The following ZNF385D variants were observed in gnomAD, a reference collection of about 807,000 sequenced individuals.
The protein encoded by ZNF385D is zinc finger protein 385D.
In ZNF385D, 15 loss-of-function variants were observed where a neutral mutation model predicts 35.8. That is an observed-to-expected ratio of 0.42 (90% CI 0.28 to 0.64). The LOEUF is 0.64. ZNF385D is among the 30% of genes least tolerant of loss of function. ZNF385D has a pLI of 0.23. For synonymous variants in ZNF385D, 212 were observed against 186.8 expected (o/e 1.13, Z -1.10); for missense variants, 474 against 494.6 (o/e 0.96, Z 0.39).
chr3:21,734,670 C>T (rs2069163756), intron 1 of ZNF385D, among the ~76,000 whole-genome samples: 1 of 152,048 alleles, frequency 6.6e-6, no homozygotes, highest in Non-Finnish European at 1.5e-5. Context: ...AATAAAACTT[C>T]AAGGTAAATT....
At chr3:22,245,023 A>G (rs1450650255) in intron 2 of ZNF385D, among the ~76,000 whole-genome samples, 1 of 152,064 alleles carries the variant, frequency 6.6e-6, no homozygotes, top group African/African-American at 2.4e-5. Flanking sequence ...ATTGCCAGAG[A>G]AAGTAGAAAA....
At chr3:22,257,163 A>C (rs929610216) in intron 2 of ZNF385D, among the ~76,000 whole-genome samples, 6 of 151,852 alleles carry the variant, frequency 4.0e-5, no homozygotes, top group Non-Finnish European at 8.8e-5. Flanking sequence ...CAGGCTTCTC[A>C]GTCTCACCAG....
chr3:22,271,217 G>A (rs1246053627), intron 2 of ZNF385D, among the ~76,000 whole-genome samples: 2 of 107,358 alleles, frequency 1.9e-5, no homozygotes, highest in African/African-American at 7.0e-5. Flanking sequence ...TTATAGTCAG[G>A]AGACAGCAAT....
At chr3:21,763,151 T>A (rs1210218013) in intron 3 of ZNF385D, among the ~76,000 whole-genome samples, 1 of 152,012 alleles carries the variant, frequency 6.6e-6, no homozygotes, top group Non-Finnish European at 1.5e-5. Context: ...GAGAAAAAAA[T>A]TCACCTTCTC....
intron 3 of ZNF385D, among the ~76,000 whole-genome samples, chr3:21,772,410 A>T (rs2071115481): frequency 6.6e-6 from 1 of 151,958 alleles, no homozygotes. Context: ...TGATTAGAAA[A>T]TGGACAAAGA....
At chr3:21,650,247 C>T (rs141161919) in intron 2 of ZNF385D, among the ~76,000 whole-genome samples, 48 of 152,186 alleles carry the variant, frequency 3.2e-4, no homozygotes, top group African/African-American at 1.1e-3. Context: ...AAACAAAGTT[C>T]ATCTATTTGT....
intron 3 of ZNF385D, among the ~76,000 whole-genome samples, chr3:22,003,104 G>T (rs932454870): frequency 6.6e-6 from 1 of 152,200 alleles, no homozygotes; most frequent in East Asian, 1.9e-4. Context: ...GAAATAAAAG[G>T]CATTCAGATT....
intron 2 of ZNF385D, among the ~76,000 whole-genome samples, chr3:21,565,375 GA>G (rs1217157296): frequency 6.6e-6 from 1 of 152,070 alleles, no homozygotes; most frequent in African/African-American, 2.4e-5. Context: ...ATCCAGCTCT[GA>G]TAAAGTTTAG....
intron 3 of ZNF385D, among the ~76,000 whole-genome samples, chr3:22,087,345 C>T (rs1701099413): frequency 1.3e-5 from 2 of 151,968 alleles, no homozygotes; most frequent in South Asian, 4.1e-4. Flanking sequence ...CACATGAACA[C>T]TCAGAGAAAT....
At chr3:21,720,896 T>A (rs1049192840) in intron 1 of ZNF385D, among the ~76,000 whole-genome samples, 2 of 152,190 alleles carry the variant, frequency 1.3e-5, no homozygotes, top group African/African-American at 4.8e-5. Flanking sequence ...AAGTGCGTGA[T>A]TGCAACCACG....
At chr3:21,918,551 A>T (rs756856400) in intron 3 of ZNF385D, among the ~76,000 whole-genome samples, 64 of 152,184 alleles carry the variant, frequency 4.2e-4, no homozygotes, top group Admixed American at 7.2e-4. Flanking sequence ...AAATGCTCAT[A>T]ATTTTCACAT....
chr3:21,598,570 TG>T (rs2064190154), intron 2 of ZNF385D, among the ~76,000 whole-genome samples: 1 of 152,212 alleles, frequency 6.6e-6, no homozygotes, highest in South Asian at 2.1e-4. Flanking sequence ...GTGAGCTTTC[TG>T]CCCAACAGAC....
chr3:21,663,264 T>G (rs1400913924), intron 2 of ZNF385D, among the ~76,000 whole-genome samples: 1 of 152,214 alleles, frequency 6.6e-6, no homozygotes, highest in Non-Finnish European at 1.5e-5. Flanking sequence ...CACTCATCTT[T>G]GTTTTATGTT....
chr3:22,337,092 A>G (rs1165444433), intron 2 of ZNF385D, among the ~76,000 whole-genome samples: 4 of 152,004 alleles, frequency 2.6e-5, no homozygotes, highest in Non-Finnish European at 5.9e-5. Flanking sequence ...TATATTTAGT[A>G]ACACTTTATA....
chr3:22,153,428 G>T (rs1356802827), intron 3 of ZNF385D, among the ~76,000 whole-genome samples: 4 of 150,212 alleles, frequency 2.7e-5, no homozygotes, highest in African/African-American at 9.8e-5. Context: ...ATGACCCCGT[G>T]CCTGTTTTAA....
intron 2 of ZNF385D, among the ~76,000 whole-genome samples, chr3:21,581,250 C>T (rs1033699417): frequency 7.2e-5 from 11 of 152,124 alleles, no homozygotes; most frequent in African/African-American, 2.7e-4. Context: ...TTTTCAAAGG[C>T]TCTTTCCTTT....
chr3:21,890,608 G>A (rs980008222), intron 3 of ZNF385D, among the ~76,000 whole-genome samples: 2 of 152,194 alleles, frequency 1.3e-5, no homozygotes, highest in South Asian at 2.1e-4. Context: ...GACAGAGTGA[G>A]ACTCCGTCTC....
At chr3:21,582,572 C>G (rs2125708933) in intron 2 of ZNF385D, among the ~76,000 whole-genome samples, 1 of 152,100 alleles carries the variant, frequency 6.6e-6, no homozygotes, top group South Asian at 2.1e-4. Flanking sequence ...TAATAAAGGT[C>G]AAGTGTTCAG....
At chr3:21,758,010 T>C (rs938182504) in intron 3 of ZNF385D, among the ~76,000 whole-genome samples, 4 of 152,204 alleles carry the variant, frequency 2.6e-5, no homozygotes, top group African/African-American at 7.2e-5. Flanking sequence ...CTACCAAGAA[T>C]GCCCTTTTCT....
Sources: allele counts gnomAD v4.1 joint callset (sites outside exome capture counted in the v4.1 genomes callset), GRCh38; gene constraint gnomAD v4.1.1; transcripts MANE v1.5; gene names NCBI Gene and HGNC (gene_info 2026-07-23, HGNC 2026-07-21).